USP53: variants seen among roughly 807,000 people sequenced by gnomAD.
USP53 encodes ubiquitin carboxyl-terminal hydrolase 53.
In USP53, 71 loss-of-function variants were observed where a neutral mutation model predicts 94.9. The observed-to-expected ratio is 0.75, with a 90% CI of 0.62 to 0.91. The LOEUF (loss-of-function observed/expected upper bound fraction) is 0.91, where lower values mean the gene tolerates loss of function less well. USP53 is among the 40% of genes least tolerant of loss of function. USP53 has a pLI of 0.00. For missense variants in USP53, 1,173 were observed against 1,281.0 expected (o/e 0.92, Z 1.29); for synonymous variants, 375 against 422.7 (o/e 0.89, Z 1.39).
chr4:119,286,393 A>C lies in USP53; in HGVS notation c.2252-4772A>C, dbSNP rs1754121455. Among the ~76,000 whole-genome samples, 3 of 151,878 alleles carry C rather than the reference A, an allele frequency of 2.0e-5. No individual in the cohort carries two copies. In the South Asian group the frequency reaches 6.2e-4, roughly 32 times the overall value. ...TTTTTTTTTCTGTGTCAAAGCGTTAAAATTGGACTTAGATTTGCGAATAAC... is the reference window on the plus strand; with the variant it reads ...TTTTTTTTTCTGTGTCAAAGCGTTACAATTGGACTTAGATTTGCGAATAAC... On this transcript the variant is annotated intron_variant, in intron 17 of 18. Coordinates refer to ENST00000692078, the MANE Select transcript of USP53 (RefSeq NM_001371395.1).
chr4:119,293,318 G>GAGAAGTA lies in USP53; in HGVS notation c.*108_*109insGAAGTAA. ...ATTGTAATAGATAACTGGTAAAACT[G>GAGAAGTA]ACCAACTTTTACTTCTCAGAGGCCA... On this transcript the variant is annotated 3_prime_UTR_variant, in exon 19 of 19. Transcript: ENST00000692078. 7.6e-7 allele frequency: 1 copy of GAGAAGTA among 1,307,546 alleles called. No homozygotes were observed. Among genetic ancestry groups the GAGAAGTA allele is most frequent in the Middle Eastern group, 2.0e-4 (1 of 4,944 alleles). The allele number at this position is 1,307,546 out of a possible 1,614,324, so 81.0% of individuals were successfully genotyped here.
intron 13 of USP53, among the ~76,000 whole-genome samples, 176 bp from the exon 14 acceptor site, chr4:119,268,092 G>A (rs1162320674): frequency 4.0e-5 from 6 of 151,720 alleles, no homozygotes; most frequent in Non-Finnish European, 7.4e-5. Flanking sequence ...GCGTGAACCC[G>A]GGAGGCGGAG....
chr4:119,239,110 T>G (rs1362672498), intron 4 of USP53, 108 bp from the exon 5 acceptor site: 1 of 152,172 alleles, frequency 6.6e-6, no homozygotes, highest in Non-Finnish European at 1.5e-5. Context: ...TCTAATCCTT[T>G]TTATGACGAG....
Position 119,292,564 on chromosome 4 carries a change from C to A in USP53, c.2575C>A (p.Pro859Thr), listed in dbSNP as rs1329514155. ...TGGGAAGAGAGTGAACAGTAATGAA[C>A]CATCTTCATTATGGTCTTCACACCT... ...ASGKRVNSNE[P>T]SSLWSSHLRT... The change falls in exon 19 of 19, where the codon CCA becomes ACA. Residue 859 changes from proline (P) to threonine (T), a missense_variant. Physicochemically the swap from Pro to Thr is conservative, Grantham distance 38. Transcript: ENST00000692078. The A allele has an allele frequency of 6.2e-7, 1 of 1,613,860 alleles. No homozygotes were observed. Among genetic ancestry groups the A allele is most frequent in the Non-Finnish European group, 8.5e-7 (1 of 1,179,916 alleles).
intron 3 of USP53, among the ~76,000 whole-genome samples, chr4:119,227,434 T>C (rs1345349771): frequency 1.3e-5 from 2 of 152,002 alleles, no homozygotes; most frequent in Non-Finnish European, 2.9e-5. Flanking sequence ...ATTGCGACCA[T>C]CCTGGCTAAC....
At chr4:119,267,878 A>G in intron 13 of USP53, among the ~76,000 whole-genome samples, 1 of 152,236 alleles carries the variant, frequency 6.6e-6, no homozygotes, top group East Asian at 1.9e-4. Flanking sequence ...ACAGTTAAAA[A>G]TAATCTGGGC....
chr4:119,273,563 G>GTTTT (rs35610634), intron 16 of USP53, 69 bp from the exon 17 acceptor site: 7 of 902,442 alleles, frequency 7.8e-6, no homozygotes, highest in South Asian at 3.9e-5. Context: ...AACAAATGTT[G>GTTTT]TTTTTTTTTA....
chr4:119,241,305 G>T (rs1176784204), intron 5 of USP53, among the ~76,000 whole-genome samples: 1 of 151,982 alleles, frequency 6.6e-6, no homozygotes, highest in East Asian at 1.9e-4. Context: ...ATACATATCT[G>T]CATATTTGCC....
Position 119,293,062 on chromosome 4 carries a change from A to G in USP53, c.3073A>G (p.Ile1025Val), listed in dbSNP as rs1160079481. 6.2e-6 allele frequency: 10 copies of G among 1,614,076 alleles called. No individual in the cohort carries two copies. In the Admixed American group the frequency reaches 1.7e-4, roughly 27 times the overall value. Residue 1025 changes from isoleucine to valine, a missense_variant, in exon 19 of 19, where the codon ATT (isoleucine) becomes GTT (valine). Coordinates refer to ENST00000692078, the MANE Select transcript of USP53 (RefSeq NM_001371395.1). ...ATTTTGCCAACCAGAACTAGACTCTATTTCTACCTGTCCAAATGAGACAGT... is the reference window on the plus strand; with the variant it reads ...ATTTTGCCAACCAGAACTAGACTCTGTTTCTACCTGTCCAAATGAGACAGT... ...DAFCQPELDSISTCPNETVSL... is the reference protein window; with the variant it reads ...DAFCQPELDSVSTCPNETVSL...
intron 11 of USP53, 49 bp downstream of exon 11, chr4:119,260,702 A>G (rs923531842): frequency 1.9e-6 from 3 of 1,597,838 alleles, no homozygotes; most frequent in African/African-American, 2.7e-5. Flanking sequence ...AAATTCTTCT[A>G]AAACATCATC....
At chr4:119,262,394 C>T (rs1420639129) in intron 12 of USP53, among the ~76,000 whole-genome samples, 2 of 152,132 alleles carry the variant, frequency 1.3e-5, no homozygotes, top group Non-Finnish European at 1.5e-5. Flanking sequence ...ATACCACTTT[C>T]GACTCCCTCA....
In USP53 at chr4:119,213,641, G is replaced by GATATATTAGATATATAT. The variant is rs1553961986; in HGVS notation, c.-941-423_-941-422insTAGATATATATATATAT. On this transcript the variant is annotated intron_variant, in intron 1 of 18. Coordinates refer to ENST00000692078, the MANE Select transcript of USP53 (RefSeq NM_001371395.1). ...CCGAAAGTTTCCTTATCTGGAAATA[G>GATATATTAGATATATAT]ATATATATATATATATATATGTGTG... is the stretch of plus-strand genomic sequence containing the variant. 1.0e-4 allele frequency among the ~76,000 whole-genome samples: 11 copies of GATATATTAGATATATAT among 108,094 alleles called. 1 individual carries two copies. Among genetic ancestry groups the GATATATTAGATATATAT allele is most frequent in the African/African-American group, 4.2e-4 (10 of 23,696 alleles). 70.9% of individuals were successfully genotyped at this position (108,094 alleles called of 152,430 possible). A position where few individuals can be genotyped will look rare whatever the true frequency, so the allele number is the denominator to read the frequency against.
At chr4:119,277,755 C>G (rs928733222) in intron 17 of USP53, among the ~76,000 whole-genome samples, 110 of 132,240 alleles carry the variant, frequency 8.3e-4, no homozygotes, top group African/African-American at 2.7e-3. Flanking sequence ...GTAGGTCACT[C>G]AGGACTTGCT....
chr4:119,248,725 C>A (rs764949101), intron 6 of USP53, 23 bp from the exon 7 acceptor site: 1 of 1,604,874 alleles, frequency 6.2e-7, no homozygotes, highest in South Asian at 1.1e-5. Context: ...ATTAAACTTA[C>A]TGATTTTCTT....
Position 119,292,835 on chromosome 4 carries a change from C to T in USP53, c.2846C>T (p.Thr949Ile), listed in dbSNP as rs1754915728. The T allele has an allele frequency of 6.2e-7, 1 of 1,613,990 alleles. No homozygotes were observed. Residue 949 changes from threonine to isoleucine, a missense_variant, in exon 19 of 19, where the codon ACA (threonine) becomes ATA (isoleucine). Coordinates refer to ENST00000692078, the MANE Select transcript of USP53 (RefSeq NM_001371395.1). ...KSESTPDVKL[T>I]EVFKATSHLP... ...GAATCTACACCTGATGTCAAACTTACAGAGGTGTTTAAAGCTACCTCTCAT... is the reference window on the plus strand; with the variant it reads ...GAATCTACACCTGATGTCAAACTTATAGAGGTGTTTAAAGCTACCTCTCAT...
At chr4:119,286,745 G>A (rs1236668339) in intron 17 of USP53, among the ~76,000 whole-genome samples, 1 of 151,974 alleles carries the variant, frequency 6.6e-6, no homozygotes, top group Admixed American at 6.6e-5. Flanking sequence ...ACACTGGGTA[G>A]CAAATTACAT....
intron 7 of USP53, among the ~76,000 whole-genome samples, chr4:119,250,407 TG>T (rs1392716030): frequency 6.6e-5 from 10 of 152,358 alleles, no homozygotes; most frequent in Non-Finnish European, 1.2e-4. Context: ...AGCATCTTCA[TG>T]GTTTCCTTAG....
At chr4:119,287,395 T>G (rs1754230819) in intron 17 of USP53, among the ~76,000 whole-genome samples, 1 of 152,100 alleles carries the variant, frequency 6.6e-6, no homozygotes, top group Non-Finnish European at 1.5e-5. Flanking sequence ...ACATGACTCT[T>G]TCTTGGAAAT....
intron 17 of USP53, among the ~76,000 whole-genome samples, chr4:119,285,829 C>T (rs951481153): frequency 1.3e-5 from 2 of 151,806 alleles, no homozygotes; most frequent in Non-Finnish European, 3.0e-5. Context: ...AAACTGGTAA[C>T]ACATAATCTC....
Sources: gnomAD v4.1 joint callset for allele counts (sites outside exome capture counted in the v4.1 genomes callset) on GRCh38, gnomAD v4.1.1 for gene constraint, MANE v1.5 for transcripts, NCBI Gene and HGNC (gene_info 2026-07-23, HGNC 2026-07-21) for gene names.